The following C17orf67 variants were observed in gnomAD, a reference collection of about 807,000 sequenced individuals.
C17orf67 encodes the protein uncharacterized protein C17orf67.
Under a neutral mutation model 11.2 loss-of-function variants are expected in C17orf67, and 12 were observed. That is an observed-to-expected ratio of 1.07 (90% CI 0.68 to 1.73). The LOEUF (loss-of-function observed/expected upper bound fraction) is 1.73, where lower values mean the gene tolerates loss of function less well. Ranked by LOEUF, C17orf67 falls within the 40% of genes most tolerant of loss-of-function variation. C17orf67 has a pLI of 0.00. For missense variants in C17orf67, 115 were observed against 113.5 expected, an observed-to-expected ratio of 1.01 and a Z score of -0.06; for synonymous variants, 59 against 46.9, an observed-to-expected ratio of 1.26 and a Z score of -1.05.
At chr17:56,800,312 G>A (rs1359607521) in intron 6 of C17orf67, among the ~76,000 whole-genome samples, 5 of 152,068 alleles carry the variant, frequency 3.3e-5, no homozygotes, top group Admixed American at 6.6e-5. Context: ...TGATCCACCC[G>A]CCTCAGCCTC....
At chr17:56,820,550 A>G (rs879706967) in intron 4 of C17orf67, among the ~76,000 whole-genome samples, 10 of 152,212 alleles carry the variant, frequency 6.6e-5, no homozygotes, top group Non-Finnish European at 1.3e-4. Context: ...CCACGCAGAC[A>G]TGGAAAGAAC....
At chr17:56,827,171 AG>A (rs1205990808) in intron 2 of C17orf67, among the ~76,000 whole-genome samples, 2 of 152,270 alleles carry the variant, frequency 1.3e-5, no homozygotes, top group African/African-American at 4.8e-5. Flanking sequence ...AGCTCTCACC[AG>A]ATGGTGAGAA....
At chr17:56,798,758 A>G (rs1199601142) in intron 6 of C17orf67, among the ~76,000 whole-genome samples, 2 of 152,184 alleles carry the variant, frequency 1.3e-5, no homozygotes, top group Non-Finnish European at 2.9e-5. Context: ...TCTTGAGCCC[A>G]GGAGGTAGAG....
At chr17:56,819,792 C>T (rs1905854555) in intron 4 of C17orf67, among the ~76,000 whole-genome samples, 1 of 152,146 alleles carries the variant, frequency 6.6e-6, no homozygotes, top group Admixed American at 6.5e-5. Context: ...AGCGGGGTAA[C>T]GAGGTGAGTC....
At position 56,833,909 on chromosome 17, in the gene C17orf67, C is replaced by T. The variant is rs1906354477; in HGVS notation, c.-1293G>A. The T allele has an allele frequency of 6.5e-6, 1 of 153,210 alleles. No homozygotes were observed. The highest frequency in any genetic ancestry group is 6.5e-5 in the Admixed American group (1 of 15,334). 9.5% of individuals were successfully genotyped at this position (153,210 alleles called of 1,614,324 possible). On this transcript the variant is annotated 5_prime_UTR_variant, in exon 1 of 8. Transcript: ENST00000397861. ...CAACCCTCCATCCTCTCAAACGCCC[C>T]ACTGTTACTCCGCCCCCTTCCCCTA...
chr17:56,807,896 A>AAAT (rs1905492568), intron 6 of C17orf67, among the ~76,000 whole-genome samples: 2 of 114,354 alleles, frequency 1.7e-5, no homozygotes, highest in African/African-American at 6.3e-5. Flanking sequence ...TCTCAAAAAT[A>AAAT]AATAAATAAT....
chr17:56,795,156 G>A lies in C17orf67; in HGVS notation c.181C>T (p.Leu61=). ...AACTGCTCCTCAGCGCGATGCTCCA[G>A]GGCGAGCAGGTGGTGCATGTATTCC... ...MREYMHHLLA[L]EHRAEEQFLE... The change falls in exon 7 of 8, where the codon CTG becomes TTG. Residue 61 remains leucine (L), a synonymous_variant. Coordinates refer to ENST00000397861, the MANE Select transcript of C17orf67 (RefSeq NM_001085430.4). 6.2e-7 allele frequency: 1 copy of A among 1,614,176 alleles called. No homozygotes were observed. Among genetic ancestry groups the A allele is most frequent in the South Asian group, 1.1e-5 (1 of 91,090 alleles).
At chr17:56,809,434 G>T (rs531026186) in intron 6 of C17orf67, among the ~76,000 whole-genome samples, 1 of 151,850 alleles carries the variant, frequency 6.6e-6, no homozygotes, top group Non-Finnish European at 1.5e-5. Flanking sequence ...GTAGAAGAGG[G>T]GGCTGGAACT....
At chr17:56,802,197 A>G (rs926610641) in intron 6 of C17orf67, among the ~76,000 whole-genome samples, 3 of 151,692 alleles carry the variant, frequency 2.0e-5, no homozygotes, top group East Asian at 1.9e-4. Flanking sequence ...GTCGCCGTAG[A>G]CTCCCTTGGC....
chr17:56,810,222 C>T (rs1054394153), intron 6 of C17orf67, among the ~76,000 whole-genome samples: 1 of 149,214 alleles, frequency 6.7e-6, no homozygotes, highest in Non-Finnish European at 1.5e-5. Context: ...CACCATCACA[C>T]CCCTCACATA....
chr17:56,798,257 T>C (rs1011793193), intron 6 of C17orf67, among the ~76,000 whole-genome samples: 11 of 152,198 alleles, frequency 7.2e-5, no homozygotes, highest in Non-Finnish European at 1.5e-4. Context: ...AGGCTCTTAC[T>C]ACCCCTTGTC....
chr17:56,816,230 T>C (rs1039380012), intron 4 of C17orf67, among the ~76,000 whole-genome samples: 3 of 152,206 alleles, frequency 2.0e-5, no homozygotes, highest in Non-Finnish European at 2.9e-5. Context: ...CATTCACCAG[T>C]CTAATTTGAT....
chr17:56,816,712 G>A (rs1905770389), intron 4 of C17orf67, among the ~76,000 whole-genome samples: 1 of 152,216 alleles, frequency 6.6e-6, no homozygotes, highest in Non-Finnish European at 1.5e-5. Flanking sequence ...TCATAAGACT[G>A]GAACCAGCCA....
intron 2 of C17orf67, among the ~76,000 whole-genome samples, chr17:56,830,355 A>G (rs1179230634): frequency 3.3e-5 from 5 of 152,172 alleles, no homozygotes; most frequent in Non-Finnish European, 7.3e-5. Context: ...AAAAAAAAAA[A>G]AAGAAAAAGA....
chr17:56,822,720 A>G (rs1258681455), intron 4 of C17orf67, among the ~76,000 whole-genome samples: 1 of 152,244 alleles, frequency 6.6e-6, no homozygotes. Flanking sequence ...GTTGAAATAT[A>G]TATATTAGAA....
At chr17:56,809,806 T>C in intron 6 of C17orf67, among the ~76,000 whole-genome samples, 1 of 96,784 alleles carries the variant, frequency 1.0e-5, no homozygotes, top group African/African-American at 4.1e-5. Context: ...CACACACCCC[T>C]TACACATACA....
At chr17:56,833,449 A>C (rs1906309104) in intron 1 of C17orf67, 107 bp from the exon 2 acceptor site, 1 of 150,512 alleles carries the variant, frequency 6.6e-6, no homozygotes, top group Non-Finnish European at 1.5e-5. Flanking sequence ...GCGAGGGGGT[A>C]GCGCAGGGGA....
chr17:56,817,117 A>C (rs1012668966), intron 4 of C17orf67, among the ~76,000 whole-genome samples: 1 of 152,156 alleles, frequency 6.6e-6, no homozygotes, highest in East Asian at 1.9e-4. Flanking sequence ...CAGCCTCCCA[A>C]AGTGCTGGGA....
At chr17:56,811,333 T>C (rs762822609) in intron 6 of C17orf67, among the ~76,000 whole-genome samples, 3 of 152,156 alleles carry the variant, frequency 2.0e-5, no homozygotes, top group Non-Finnish European at 4.4e-5. Flanking sequence ...GGACTGGAAA[T>C]GCACTGGGTG....
Sources: gnomAD v4.1 joint callset for allele counts (sites outside exome capture counted in the v4.1 genomes callset) on GRCh38, gnomAD v4.1.1 for gene constraint, MANE v1.5 for transcripts, NCBI Gene and HGNC (gene_info 2026-07-23, HGNC 2026-07-21) for gene names.